The following GRIA3 variants were observed in gnomAD, a reference collection of about 807,000 sequenced individuals.
GRIA3 encodes the protein glutamate ionotropic receptor AMPA type subunit 3, also known as glutamate receptor 3.
A neutral mutation model predicts 63.0 loss-of-function variants in GRIA3; 3 were observed. The ratio of observed to expected loss-of-function variants is 0.05; its 90% CI spans 0.02 to 0.12. The LOEUF is 0.12. Among genes scored for constraint, GRIA3 ranks in the 10% least tolerant of loss-of-function variants. The pLI, the probability that GRIA3 is intolerant of heterozygous loss-of-function variation, is 1.00. For missense variants in GRIA3, 347 were observed against 700.9 expected (o/e 0.50, Z 5.70); for synonymous variants, 274 against 257.9 (o/e 1.06, Z -0.60).
At chrX:123,348,577 G>C (rs2045069955) in intron 4 of GRIA3, among the ~76,000 whole-genome samples, 1 of 111,745 alleles carries the variant, frequency 8.9e-6, no homozygotes, top group South Asian at 3.8e-4. Flanking sequence ...AACAGCATTT[G>C]AAAATGCAAC....
chrX:123,305,374 T>C (rs147394784), intron 3 of GRIA3, among the ~76,000 whole-genome samples: 1,855 of 111,537 alleles, frequency 0.017, 14 homozygotes, highest in Non-Finnish European at 0.027. Context: ...ATAAATAAGA[T>C]AAAGAAATTA....
At position 123,326,043 on chromosome X, in the gene GRIA3, G is replaced by A; in HGVS notation, c.526G>A (p.Ala176Thr). ...DTERGFSILQ[A>T]IMEAAVQNNW... ...TCCTTCAGGATTTTCCATCCTCCAA[G>A]CGATTATGGAAGCAGCAGTGCAAAA... The change falls in exon 4 of 16, where the codon GCG (alanine) becomes ACG (threonine). Residue 176 changes from alanine to threonine, a missense_variant. This residue lies in a region of GRIA3 where 113 missense variants were observed against 130.6 expected (regional missense o/e 0.87). Coordinates refer to ENST00000620443, the MANE Select transcript of GRIA3 (RefSeq NM_007325.5). 1 of 1,207,607 alleles carries A rather than the reference G, an allele frequency of 8.3e-7. No homozygotes were observed. Among genetic ancestry groups the A allele is most frequent in the Non-Finnish European group, 1.1e-6 (1 of 891,905 alleles).
chrX:123,248,592 C>A (rs909593364), intron 2 of GRIA3, among the ~76,000 whole-genome samples: 3 of 110,916 alleles, frequency 2.7e-5, no homozygotes, highest in African/African-American at 9.9e-5. Flanking sequence ...TCGAGACCAG[C>A]CTGACCAACA....
At chrX:123,441,877 A>C (rs2045676078) in intron 12 of GRIA3, among the ~76,000 whole-genome samples, 1 of 111,692 alleles carries the variant, frequency 9.0e-6, no homozygotes, top group African/African-American at 3.3e-5. Context: ...ATATTATTGA[A>C]GTTTATTATA....
At chrX:123,386,647 T>G (rs1372805310) in intron 5 of GRIA3, among the ~76,000 whole-genome samples, 1 of 112,018 alleles carries the variant, frequency 8.9e-6, no homozygotes, top group Non-Finnish European at 1.9e-5. Flanking sequence ...TGATGAAAAA[T>G]AGGAGTCCAG....
rs189542886 is a variant in GRIA3, at chrX:123,430,401, G to A, written c.2076+2262G>A. On this transcript the variant is annotated intron_variant, in intron 12 of 15. Transcript: ENST00000620443. ...GGGGTGGTTCTTCAGGGCAGCACAC[G>A]AATGTTGATTATCTAAAAGTGGAAC... is the stretch of plus-strand genomic sequence containing the variant. 3.9e-3 allele frequency among the ~76,000 whole-genome samples: 435 copies of A among 111,603 alleles called. 2 individuals are homozygous for A. The highest frequency in any genetic ancestry group is 0.014 in the African/African-American group (418 of 30,716).
At chrX:123,383,501 T>G (rs1023626876) in intron 5 of GRIA3, among the ~76,000 whole-genome samples, 1 of 111,208 alleles carries the variant, frequency 9.0e-6, no homozygotes, top group African/African-American at 3.3e-5. Flanking sequence ...GATCAAAATT[T>G]TTAGCTCCCA....
At chrX:123,283,127 C>T (rs774693577) in intron 3 of GRIA3, among the ~76,000 whole-genome samples, 76 of 111,509 alleles carry the variant, frequency 6.8e-4, no homozygotes, top group African/African-American at 2.2e-3. Context: ...TTGCCTCATC[C>T]GGGAAGCACA....
chrX:123,380,931 G>T (rs1438624986), intron 5 of GRIA3, among the ~76,000 whole-genome samples: 1 of 111,280 alleles, frequency 9.0e-6, no homozygotes, highest in Admixed American at 9.6e-5. Context: ...TTTTTGTCAG[G>T]TTTGTCAAAG....
At chrX:123,291,042 T>A (rs1217921526) in intron 3 of GRIA3, among the ~76,000 whole-genome samples, 1 of 111,688 alleles carries the variant, frequency 9.0e-6, no homozygotes, top group Non-Finnish European at 1.9e-5. Context: ...TTTATTCAAT[T>A]AGCTTCTATC....
rs755161311 is a variant in GRIA3, at chrX:123,490,792, C to T, written c.*2082C>T. ...TGTACTTCAGTGAACAGAAAAATTG[C>T]CAAGCAAACTAATGGCTATAAAAGC... On this transcript the variant is annotated 3_prime_UTR_variant, in exon 16 of 16. Coordinates refer to ENST00000620443, the MANE Select transcript of GRIA3 (RefSeq NM_007325.5). 8.9e-6 allele frequency: 1 copy of T among 111,982 alleles called. No homozygotes were observed. Among genetic ancestry groups the T allele is most frequent in the East Asian group, 2.8e-4 (1 of 3,603 alleles). The allele number at this position is 111,982 out of a possible 1,213,427, so 9.2% of individuals were successfully genotyped here. A position where few individuals can be genotyped will look rare whatever the true frequency, so the allele number is the denominator to read the frequency against.
intron 10 of GRIA3, among the ~76,000 whole-genome samples, chrX:123,405,776 C>T (rs779443431): frequency 7.2e-5 from 8 of 111,639 alleles, no homozygotes; most frequent in Non-Finnish European, 1.3e-4. Context: ...GGGTTAGGTA[C>T]CCCTGCTTTT....
At chrX:123,479,501 T>G (rs766474075) in intron 13 of GRIA3, among the ~76,000 whole-genome samples, 3 of 112,557 alleles carry the variant, frequency 2.7e-5, no homozygotes, top group African/African-American at 9.7e-5. Flanking sequence ...GAGATCATTT[T>G]CAGCTGGGCA....
chrX:123,307,276 T>C (rs1050954242), intron 3 of GRIA3, among the ~76,000 whole-genome samples: 4 of 111,782 alleles, frequency 3.6e-5, no homozygotes, highest in South Asian at 7.5e-4. Context: ...CCATCAGCTA[T>C]AAAATTTTGC....
chrX:123,274,094 C>T (rs906736114), intron 3 of GRIA3, among the ~76,000 whole-genome samples: 5 of 112,038 alleles, frequency 4.5e-5, no homozygotes, highest in Non-Finnish European at 9.4e-5. Context: ...TTTAGGGTTA[C>T]CAGATGAAAT....
chrX:123,379,844 C>T (rs1457199418), intron 5 of GRIA3, among the ~76,000 whole-genome samples: 1 of 94,073 alleles, frequency 1.1e-5, no homozygotes, highest in Non-Finnish European at 2.1e-5. Flanking sequence ...CTTCCTGTGT[C>T]CATGTGTTCT....
At chrX:123,422,157 G>T (rs115972862) in intron 11 of GRIA3, among the ~76,000 whole-genome samples, 1,568 of 111,968 alleles carry the variant, frequency 0.014, 29 homozygotes, top group African/African-American at 0.046. Context: ...TTTCTGGTTT[G>T]CAATGAAAGA....
chrX:123,241,174 G>A (rs1311055946), intron 2 of GRIA3, among the ~76,000 whole-genome samples: 1 of 111,586 alleles, frequency 9.0e-6, no homozygotes. Context: ...TATACTACCC[G>A]AAGCAGACTG....
At chrX:123,224,128 T>A (rs1160413398) in intron 2 of GRIA3, among the ~76,000 whole-genome samples, 1 of 112,006 alleles carries the variant, frequency 8.9e-6, no homozygotes, top group Non-Finnish European at 1.9e-5. Context: ...GACCATCCTT[T>A]CCTTCTCTGA....
Sources: gnomAD v4.1 joint callset for allele counts (sites outside exome capture counted in the v4.1 genomes callset) on GRCh38, gnomAD v4.1.1 for gene constraint, gnomAD v4.1.1 regional missense constraint, MANE v1.5 for transcripts, NCBI Gene and HGNC (gene_info 2026-07-23, HGNC 2026-07-21) for gene names.